Variants in TNIK observed in about 807,000 individuals in gnomAD.
TNIK encodes TRAF2 and NCK interacting kinase, also known as TRAF2 and NCK-interacting protein kinase.
Under a neutral mutation model 191.3 loss-of-function variants are expected in TNIK, and 49 were observed. The ratio of observed to expected loss-of-function variants is 0.26; its 90% CI spans 0.20 to 0.32. TNIK has a LOEUF of 0.32. Among genes scored for constraint, TNIK ranks in the 10% least tolerant of loss-of-function variants. The pLI, the probability that TNIK is intolerant of heterozygous loss-of-function variation, is 1.00. For synonymous variants in TNIK, 594 were observed against 600.9 expected (o/e 0.99, Z 0.17); for missense variants, 1,155 against 1,702.3 (o/e 0.68, Z 5.66).
At chr3:171,388,953 A>G (rs10936681) in intron 1 of TNIK, among the ~76,000 whole-genome samples, 67,693 of 151,724 alleles carry the variant, frequency 0.45, 15,644 homozygotes, top group Non-Finnish European at 0.5. Context: ...GTAAGTTCTC[A>G]GTGTTACACA....
chr3:171,192,988 A>G (rs937114906), intron 5 of TNIK, among the ~76,000 whole-genome samples: 3 of 152,166 alleles, frequency 2.0e-5, no homozygotes, highest in Non-Finnish European at 2.9e-5. Context: ...TCTATAACCC[A>G]GCTGGAATAA....
intron 2 of TNIK, among the ~76,000 whole-genome samples, chr3:171,254,348 T>G (rs547855851): frequency 6.6e-6 from 1 of 152,308 alleles, no homozygotes; most frequent in African/African-American, 2.4e-5. Context: ...TGCTACAAGA[T>G]GAAGGAATGA....
chr3:171,097,922 T>C (rs954670037), intron 22 of TNIK, among the ~76,000 whole-genome samples: 1 of 152,232 alleles, frequency 6.6e-6, no homozygotes, highest in Non-Finnish European at 1.5e-5. Context: ...ACTGGAAAAT[T>C]TGAGCAACAA....
At chr3:171,318,977 C>T (rs1397351929) in intron 2 of TNIK, among the ~76,000 whole-genome samples, 2 of 151,850 alleles carry the variant, frequency 1.3e-5, no homozygotes, top group African/African-American at 4.8e-5. Context: ...CCAGCCTGGT[C>T]AAAATAGCAA....
chr3:171,126,714 A>G (rs1728528159), intron 16 of TNIK, among the ~76,000 whole-genome samples: 1 of 152,220 alleles, frequency 6.6e-6, no homozygotes, highest in Admixed American at 6.5e-5. Flanking sequence ...CAGGCATTCT[A>G]CACCCATAGC....
chr3:171,370,096 T>A (rs1716288884), intron 1 of TNIK, among the ~76,000 whole-genome samples: 1 of 152,190 alleles, frequency 6.6e-6, no homozygotes, highest in African/African-American at 2.4e-5. Flanking sequence ...AGCTGTTCAT[T>A]GTGTTGAGTG....
intron 4 of TNIK, among the ~76,000 whole-genome samples, chr3:171,202,730 G>A (rs1357723750): frequency 6.6e-6 from 1 of 152,186 alleles, no homozygotes; most frequent in East Asian, 1.9e-4. Context: ...TAAGTTACGT[G>A]TAGCTTCAGA....
intron 1 of TNIK, among the ~76,000 whole-genome samples, chr3:171,419,689 C>T (rs558204613): frequency 3.5e-4 from 54 of 152,298 alleles, no homozygotes; most frequent in African/African-American, 1.2e-3. Flanking sequence ...GTGGGGAGAG[C>T]ATGGCAATTG....
chr3:171,284,558 C>T (rs1489227216), intron 2 of TNIK, among the ~76,000 whole-genome samples: 1 of 152,090 alleles, frequency 6.6e-6, no homozygotes, highest in African/African-American at 2.4e-5. Context: ...TGACTTCTCT[C>T]TCTGGCCAAT....
intron 29 of TNIK, among the ~76,000 whole-genome samples, chr3:171,069,860 A>G (rs903653950): frequency 6.6e-6 from 1 of 152,196 alleles, no homozygotes; most frequent in Non-Finnish European, 1.5e-5. Flanking sequence ...TGCTAACACC[A>G]TTCTGACAGC....
At chr3:171,182,888 A>G (rs1298046635) in intron 7 of TNIK, among the ~76,000 whole-genome samples, 1 of 152,212 alleles carries the variant, frequency 6.6e-6, no homozygotes, top group Admixed American at 6.5e-5. Flanking sequence ...CACAACTAAC[A>G]ACTCTGAGCC....
Position 171,126,101 on chromosome 3 carries a change from G to C in TNIK, c.1824C>G (p.Ser608=). Residue 608 remains serine, a synonymous_variant, in exon 17 of 33, where the codon TCC becomes TCG. Transcript: ENST00000436636. ...VKSQGPALTA[S]QSVHEQPTKG... is the part of the protein sequence containing the mutation. ...TTGTGGGCTGCTCGTGCACTGACTGGGAGGCGGTCAAGGCAGGTCCCTGGG... is the reference window on the plus strand; with the variant it reads ...TTGTGGGCTGCTCGTGCACTGACTGCGAGGCGGTCAAGGCAGGTCCCTGGG... 1 of 1,594,708 alleles carries C rather than the reference G, an allele frequency of 6.3e-7. No individual in the cohort carries two copies. The highest frequency in any genetic ancestry group is 1.7e-5 in the Admixed American group (1 of 57,328).
At chr3:171,235,402 C>T (rs1270922005) in intron 2 of TNIK, among the ~76,000 whole-genome samples, 1 of 152,110 alleles carries the variant, frequency 6.6e-6, no homozygotes, top group African/African-American at 2.4e-5. Flanking sequence ...TGTGGGGGCT[C>T]AAAAGATGGC....
chr3:171,067,891 A>C (rs1560065604), intron 30 of TNIK, among the ~76,000 whole-genome samples: 1 of 152,144 alleles, frequency 6.6e-6, no homozygotes, highest in Non-Finnish European at 1.5e-5. Flanking sequence ...CCACATCCAC[A>C]TGAGTTAAAA....
chr3:171,244,267 A>G (rs1332942371), intron 2 of TNIK, among the ~76,000 whole-genome samples: 2 of 151,884 alleles, frequency 1.3e-5, no homozygotes, highest in South Asian at 2.1e-4. Flanking sequence ...GGGTTTCACC[A>G]TGTTAGCCAG....
chr3:171,198,045 A>G (rs1049803186), intron 4 of TNIK, among the ~76,000 whole-genome samples: 10 of 152,188 alleles, frequency 6.6e-5, no homozygotes, highest in Non-Finnish European at 1.3e-4. Context: ...CAGGTACACA[A>G]AATGTGGGAT....
At position 171,062,778 on chromosome 3, in the gene TNIK, A is replaced by T. The variant is rs1019954635; in HGVS notation, c.*1103T>A. 3 of 152,018 alleles carry T rather than the reference A, an allele frequency of 2.0e-5. No individual in the cohort carries two copies. Among genetic ancestry groups the T allele is most frequent in the Non-Finnish European group, 4.4e-5 (3 of 68,022 alleles). 9.4% of individuals were successfully genotyped at this position (152,018 alleles called of 1,614,324 possible). On this transcript the variant is annotated 3_prime_UTR_variant, in exon 33 of 33. Coordinates refer to ENST00000436636, the MANE Select transcript of TNIK (RefSeq NM_015028.4). Reference sequence around the variant, plus strand: ...GGCAGCTCAGAAACATTTATTATTAATTTTTTCAGTCACAGTTTTCATCTT... The same window carrying T: ...GGCAGCTCAGAAACATTTATTATTATTTTTTTCAGTCACAGTTTTCATCTT...
At chr3:171,382,960 C>T (rs1047002067) in intron 1 of TNIK, among the ~76,000 whole-genome samples, 33 of 152,154 alleles carry the variant, frequency 2.2e-4, no homozygotes, top group African/African-American at 7.5e-4. Flanking sequence ...AGAACTGCTT[C>T]ACACTGAATG....
intron 2 of TNIK, among the ~76,000 whole-genome samples, chr3:171,339,465 T>C (rs75600202): frequency 6.6e-6 from 1 of 152,234 alleles, no homozygotes; most frequent in Non-Finnish European, 1.5e-5. Context: ...ACTTCGCTTT[T>C]GTCAGTCCCC....
Sources: gnomAD v4.1 joint callset for allele counts (sites outside exome capture counted in the v4.1 genomes callset) on GRCh38, gnomAD v4.1.1 for gene constraint, MANE v1.5 for transcripts, NCBI Gene and HGNC (gene_info 2026-07-23, HGNC 2026-07-21) for gene names.